Variants in GUCY2F observed in about 807,000 individuals in gnomAD.
GUCY2F encodes the protein retinal guanylyl cyclase 2.
GUCY2F carries 61 observed loss-of-function variants against 73.1 expected under a neutral mutation model. The observed-to-expected ratio is 0.83, with a 90% CI of 0.68 to 1.03. GUCY2F has a LOEUF of 1.03. Among genes scored for constraint, GUCY2F ranks in the 50% least tolerant of loss-of-function variants. The pLI is 0.00. For missense variants in GUCY2F, 912 were observed against 854.3 expected (o/e 1.07, Z -0.84); for synonymous variants, 331 against 307.8 (o/e 1.08, Z -0.79).
At chrX:109,450,108 A>G (rs1156291487) in intron 5 of GUCY2F, among the ~76,000 whole-genome samples, 3 of 110,839 alleles carry the variant, frequency 2.7e-5, no homozygotes, top group Non-Finnish European at 1.9e-5. Flanking sequence ...CCAAGGACCA[A>G]GTGAGTCTGG....
At chrX:109,388,201 C>A (rs1306799955) in intron 15 of GUCY2F, among the ~76,000 whole-genome samples, 2 of 111,421 alleles carry the variant, frequency 1.8e-5, no homozygotes, top group Non-Finnish European at 3.8e-5. Flanking sequence ...ATCCTAACTA[C>A]AACATATACC....
At position 109,393,003 on chromosome X, in the gene GUCY2F, C is replaced by T. The variant is rs1930606650; in HGVS notation, c.2477G>A (p.Arg826Gln). 1.3e-5 allele frequency: 14 copies of T among 1,119,979 alleles called. No individual in the cohort carries two copies. The highest frequency in any genetic ancestry group is 5.4e-5 in the African/African-American group (3 of 55,784). 92.3% of individuals were successfully genotyped at this position (1,119,979 alleles called of 1,213,427 possible). A position where few individuals can be genotyped will look rare whatever the true frequency, so the allele number is the denominator to read the frequency against. Residue 826 changes from arginine to glutamine, a missense_variant, in exon 13 of 20, where the codon CGG becomes CAG. Transcript: ENST00000218006. ...KKTNIIDSML[R>Q]MLEQYSSNLE... ...GTTGCTAGAATATTGCTCCAACATC[C>T]GAAGCATAGAATCAATAATATTGGT...
intron 12 of GUCY2F, 31 bp downstream of exon 12, chrX:109,395,310 C>T (rs777251582): frequency 8.5e-6 from 10 of 1,174,353 alleles, no homozygotes; most frequent in Non-Finnish European, 1.0e-5. Context: ...CAGGAAGGCT[C>T]CTGGGCAATG....
intron 1 of GUCY2F, among the ~76,000 whole-genome samples, chrX:109,480,856 C>T (rs1932759828): frequency 9.2e-6 from 1 of 108,489 alleles, no homozygotes; most frequent in South Asian, 4.0e-4. Context: ...TCTTGATCCC[C>T]CAACTCAAGA....
intron 11 of GUCY2F, 24 bp from the exon 12 acceptor site, chrX:109,395,513 C>T (rs1456357684): frequency 2.1e-5 from 24 of 1,165,076 alleles, no homozygotes; most frequent in African/African-American, 3.6e-5. Flanking sequence ...AGAAGAGAAC[C>T]GTTTACAAAT....
At position 109,405,056 on chromosome X, in the gene GUCY2F, G is replaced by A. The variant is rs766333589; in HGVS notation, c.1969-572C>T. Among the ~76,000 whole-genome samples, 7 of 112,338 alleles carry A rather than the reference G, an allele frequency of 6.2e-5. No individual in the cohort carries two copies. In the Admixed American group the frequency reaches 6.6e-4, roughly 11 times the overall value. On this transcript the variant is annotated intron_variant, in intron 9 of 19. Coordinates refer to ENST00000218006, the MANE Select transcript of GUCY2F (RefSeq NM_001522.3). ...AAATATCAATAAGGGACTGGCTAGA[G>A]TGTGGTACATTCACACTAGGGAATA...
intron 8 of GUCY2F, among the ~76,000 whole-genome samples, chrX:109,426,487 C>T: frequency 8.9e-6 from 1 of 112,214 alleles, no homozygotes; most frequent in Non-Finnish European, 1.9e-5. Flanking sequence ...CTCCCGGGTT[C>T]ACGCCATTCT....
At chrX:109,478,102 C>T (rs769911950) in intron 1 of GUCY2F, among the ~76,000 whole-genome samples, 16 of 111,460 alleles carry the variant, frequency 1.4e-4, no homozygotes, top group Admixed American at 5.7e-4. Flanking sequence ...ATTCCTAGGC[C>T]CTCAAAGATA....
chrX:109,411,255 C>CAA (rs60845603), intron 8 of GUCY2F, among the ~76,000 whole-genome samples: 16 of 43,366 alleles, frequency 3.7e-4, no homozygotes, highest in Admixed American at 9.6e-4. Flanking sequence ...ACTCCATTTT[C>CAA]AAAAAAAAAA....
chrX:109,448,381 T>C (rs1022880754), intron 5 of GUCY2F, among the ~76,000 whole-genome samples: 2 of 111,132 alleles, frequency 1.8e-5, no homozygotes, highest in African/African-American at 6.6e-5. Context: ...AAAAGAAAAA[T>C]TAAAATGCTC....
chrX:109,395,993 C>A (rs749657548), intron 11 of GUCY2F, among the ~76,000 whole-genome samples: 1 of 112,488 alleles, frequency 8.9e-6, no homozygotes, highest in Admixed American at 9.4e-5. Context: ...ATGAACTCCA[C>A]TTCCAGTGGA....
chrX:109,395,559 T>A, intron 11 of GUCY2F, 70 bp from the exon 12 acceptor site: 1 of 961,624 alleles, frequency 1.0e-6, no homozygotes, highest in Non-Finnish European at 1.5e-6. Flanking sequence ...CAAAGATAAC[T>A]GACTTTTAGC....
intron 8 of GUCY2F, among the ~76,000 whole-genome samples, chrX:109,412,884 A>G (rs983251944): frequency 1.8e-5 from 2 of 112,027 alleles, no homozygotes; most frequent in Admixed American, 1.9e-4. Flanking sequence ...GTGAATGCAG[A>G]TGATGACACG....
At chrX:109,473,339 C>T (rs1050787644) in intron 2 of GUCY2F, among the ~76,000 whole-genome samples, 5 of 111,749 alleles carry the variant, frequency 4.5e-5, no homozygotes, top group Middle Eastern at 4.7e-3. Flanking sequence ...AGAAAACAAT[C>T]TGACTAAGCG....
chrX:109,452,951 C>A (rs992809009), intron 4 of GUCY2F, among the ~76,000 whole-genome samples: 21 of 111,489 alleles, frequency 1.9e-4, no homozygotes, highest in African/African-American at 6.5e-4. Flanking sequence ...AGCTATGGTC[C>A]CTACCCTCAA....
At chrX:109,436,668 A>C (rs1364419701) in intron 7 of GUCY2F, among the ~76,000 whole-genome samples, 2 of 111,038 alleles carry the variant, frequency 1.8e-5, no homozygotes, top group African/African-American at 6.6e-5. Flanking sequence ...CATCGTTCTC[A>C]GTAAACTATC....
chrX:109,481,094 G>T (rs1932762580), intron 1 of GUCY2F, among the ~76,000 whole-genome samples: 2 of 80,066 alleles, frequency 2.5e-5, no homozygotes, highest in Non-Finnish European at 4.9e-5. Context: ...AAGGAAGGAA[G>T]GAAGGAAGGA....
intron 8 of GUCY2F, among the ~76,000 whole-genome samples, chrX:109,416,183 T>G (rs1252336663): frequency 9.3e-6 from 1 of 107,404 alleles, no homozygotes; most frequent in African/African-American, 3.5e-5. Flanking sequence ...TAGAAAAAAA[T>G]GTGACCCATA....
At chrX:109,440,888 A>G (rs1603383614) in intron 7 of GUCY2F, among the ~76,000 whole-genome samples, 1 of 112,365 alleles carries the variant, frequency 8.9e-6, no homozygotes, top group East Asian at 2.8e-4. Context: ...AGAAAAATAA[A>G]TAACTGAATA....
Sources: gnomAD v4.1 joint callset for allele counts (sites outside exome capture counted in the v4.1 genomes callset) on GRCh38, gnomAD v4.1.1 for gene constraint, MANE v1.5 for transcripts, NCBI Gene and HGNC (gene_info 2026-07-23, HGNC 2026-07-21) for gene names.